Variants in PNLDC1 observed in about 807,000 individuals in gnomAD.
PNLDC1 encodes the protein PARN like ribonuclease domain containing exonuclease 1, also known as poly(A)-specific ribonuclease PNLDC1.
A neutral mutation model predicts 82.0 loss-of-function variants in PNLDC1; 70 were observed. The ratio of observed to expected loss-of-function variants is 0.85; its 90% CI spans 0.70 to 1.04. The LOEUF (loss-of-function observed/expected upper bound fraction) is 1.04. PNLDC1 is among the 50% of genes least tolerant of loss of function. PNLDC1 has a pLI of 0.00. For missense variants in PNLDC1, 631 were observed against 661.1 expected, an observed-to-expected ratio of 0.95 and a Z score of 0.50; for synonymous variants, 280 against 249.3, an observed-to-expected ratio of 1.12 and a Z score of -1.16.
rs1781653439 is a variant in PNLDC1, at chr6:159,811,775, G to T, written c.928G>T (p.Asp310Tyr). The change falls in exon 11 of 19, where the codon GAT (aspartate) becomes TAT (tyrosine). Residue 310 changes from aspartate (D) to tyrosine (Y), a missense_variant. By Grantham distance (160) the Asp-to-Tyr change is radical. Coordinates refer to ENST00000392167, the MANE Select transcript of PNLDC1 (RefSeq NM_001271862.2). ...CATTGATACCAAGAGTGTAACAAAG[G>T]ATATCTGGAAGGTAATGAATAGAAC... The part of the protein sequence containing the change: ...VLIDTKSVTK[D>Y]IWKEMNFPRV... 9 of 1,609,584 alleles carry T rather than the reference G, an allele frequency of 5.6e-6. No homozygotes were observed. In the Middle Eastern group the frequency reaches 5.0e-4, roughly 89 times the overall value.
chr6:159,820,377 G>A (rs1583188293), intron 18 of PNLDC1, 77 bp from the exon 19 acceptor site: 2 of 1,391,166 alleles, frequency 1.4e-6, no homozygotes, highest in East Asian at 4.6e-5. Flanking sequence ...GGCTGGGAAG[G>A]AGGAGGGGCA....
intron 3 of PNLDC1, among the ~76,000 whole-genome samples, chr6:159,802,088 A>T (rs1781280041): frequency 6.6e-6 from 1 of 152,178 alleles, no homozygotes; most frequent in Non-Finnish European, 1.5e-5. Flanking sequence ...GGGTTTCACC[A>T]TGTTGGCCAG....
Position 159,808,756 on chromosome 6 carries a change from G to A in PNLDC1, c.579G>A (p.Glu193=), listed in dbSNP as rs1781541429. Residue 193 remains glutamate, a synonymous_variant, in exon 8 of 19, where the codon GAG becomes GAA. Transcript: ENST00000392167. Reference sequence around the variant, plus strand: ...CTGCTGCAGGCTTCCAGGCCTTTGAGGTCCAACTGGTGCTGAGGCAGGCCC... The same window carrying A: ...CTGCTGCAGGCTTCCAGGCCTTTGAAGTCCAACTGGTGCTGAGGCAGGCCC... ...LPGITGFQAF[E]VQLVLRQALP... 1 of 1,613,862 alleles carries A rather than the reference G, an allele frequency of 6.2e-7. No homozygotes were observed. Among genetic ancestry groups the A allele is most frequent in the Non-Finnish European group, 8.5e-7 (1 of 1,179,920 alleles).
chr6:159,809,118 G>GT lies in PNLDC1; in HGVS notation c.748dup (p.Ser250PhefsTer18). Reference sequence around the variant, plus strand: ...GAAAATATTCTTCTCTCAGCAAGGGGTTTTTCTGTCTTTTTCCAAATGCTG... The same window carrying GT: ...GAAAATATTCTTCTCTCAGCAAGGGGTTTTTTCTGTCTTTTTCCAAATGCTG... On this transcript the variant is annotated frameshift_variant, in exon 9 of 19. Coordinates refer to ENST00000392167, the MANE Select transcript of PNLDC1 (RefSeq NM_001271862.2). LOFTEE classifies it high-confidence loss of function. The GT allele has an allele frequency of 1.2e-6, 2 of 1,614,128 alleles. No individual in the cohort carries two copies. The highest frequency in any genetic ancestry group is 1.7e-6 in the Non-Finnish European group (2 of 1,180,022).
chr6:159,819,421 C>A lies in PNLDC1; in HGVS notation c.1532+69C>A, dbSNP rs1702038209. On this transcript the variant is annotated intron_variant, in intron 18 of 18. Coordinates refer to ENST00000392167, the MANE Select transcript of PNLDC1 (RefSeq NM_001271862.2). The surrounding 1 kb of genome is among the most constrained non-coding windows in gnomAD (Gnocchi z 4.6). ...AGTGCCCGGGGTCCCAGCATCCCAGCATGGTCTGACTCGAGCACAGCTCAC... is the reference window on the plus strand; with the variant it reads ...AGTGCCCGGGGTCCCAGCATCCCAGAATGGTCTGACTCGAGCACAGCTCAC... 7.3e-7 allele frequency: 1 copy of A among 1,365,346 alleles called. No individual in the cohort carries two copies. Among genetic ancestry groups the A allele is most frequent in the Non-Finnish European group, 1.0e-6 (1 of 979,650 alleles). The allele number at this position is 1,365,346 out of a possible 1,614,324, so 84.6% of individuals were successfully genotyped here. A position where few individuals can be genotyped will look rare whatever the true frequency, so the allele number is the denominator to read the frequency against.
chr6:159,818,358 T>C (rs1240030227), intron 15 of PNLDC1, among the ~76,000 whole-genome samples, 197 bp from the exon 16 acceptor site: 1 of 152,204 alleles, frequency 6.6e-6, no homozygotes, highest in African/African-American at 2.4e-5. Context: ...TCTTCTTCTA[T>C]GTGGCCACGG....
intron 4 of PNLDC1, 21 bp downstream of exon 4, chr6:159,803,331 C>A: frequency 6.2e-7 from 1 of 1,608,944 alleles, no homozygotes; most frequent in Non-Finnish European, 8.5e-7. Flanking sequence ...AGAGCTTCTG[C>A]AAACATAGGT....
At chr6:159,808,906 G>C in intron 8 of PNLDC1, 90 bp downstream of exon 8, 1 of 1,588,124 alleles carries the variant, frequency 6.3e-7, no homozygotes, top group East Asian at 2.2e-5. Flanking sequence ...CTTTTATCTT[G>C]CACGCTGCTA....
rs540105471 is a variant in PNLDC1 at position 159,806,189 on chromosome 6, G to A, written c.562+106G>A. 4.8e-6 allele frequency: 4 copies of A among 841,932 alleles called. No homozygotes were observed. The African/African-American group carries it at 6.6e-5, about 14-fold the overall frequency. 52.2% of individuals were successfully genotyped at this position (841,932 alleles called of 1,614,324 possible). ...CTTTCTTGGGATCCTGGTCCCAAGTGCCTCATGACTGAGTCTGATGCAAGC... is the reference window on the plus strand; with the variant it reads ...CTTTCTTGGGATCCTGGTCCCAAGTACCTCATGACTGAGTCTGATGCAAGC... On this transcript the variant is annotated intron_variant, in intron 7 of 18. Coordinates refer to ENST00000392167, the MANE Select transcript of PNLDC1 (RefSeq NM_001271862.2).
intron 7 of PNLDC1, among the ~76,000 whole-genome samples, chr6:159,807,964 A>C (rs1781508821): frequency 6.7e-6 from 1 of 149,600 alleles, no homozygotes; most frequent in Non-Finnish European, 1.5e-5. Context: ...CCCAAGCTGG[A>C]GTGCAGTGGC....
At chr6:159,810,537 C>T (rs907641044) in intron 10 of PNLDC1, among the ~76,000 whole-genome samples, 1 of 152,150 alleles carries the variant, frequency 6.6e-6, no homozygotes, top group African/African-American at 2.4e-5. Flanking sequence ...GCTTCAGTGT[C>T]ATGTGACACT....
In PNLDC1 at chr6:159,803,313, A is replaced by G. The variant is rs1247071255; in HGVS notation, c.248+3A>G. The stretch of plus-strand genomic sequence containing the variant: ...GCTATTGAAGGAGAGGCAAACAAGT[A>G]TGTATCAAGAGCTTCTGCAAACATA... On this transcript the variant is annotated splice_donor_region_variant and intron_variant, in intron 4 of 18. Coordinates refer to ENST00000392167, the MANE Select transcript of PNLDC1 (RefSeq NM_001271862.2). 1.9e-6 allele frequency: 3 copies of G among 1,613,188 alleles called. No homozygotes were observed. The East Asian group carries it at 6.7e-5, about 36-fold the overall frequency.
chr6:159,800,638 T>G, intron 1 of PNLDC1, 134 bp from the exon 2 acceptor site: 1 of 1,598,460 alleles, frequency 6.3e-7, no homozygotes, highest in Non-Finnish European at 8.5e-7. Flanking sequence ...TCCTCCATTT[T>G]CCCTTCCTGA....
intron 12 of PNLDC1, 62 bp downstream of exon 12, chr6:159,813,718 C>T (rs1403178365): frequency 1.3e-6 from 2 of 1,484,326 alleles, no homozygotes; most frequent in South Asian, 1.1e-5. Flanking sequence ...CTGTGCTCCG[C>T]AGGCCTTTGG....
rs1178868199 is a variant in PNLDC1, at chr6:159,819,331, C to T, written c.1511C>T (p.Pro504Leu). The change falls in exon 18 of 19, where the codon CCA becomes CTA. Residue 504 changes from proline to leucine, a missense_variant. Transcript: ENST00000392167. This position sits in a 1 kb window ranked among gnomAD's most constrained non-coding sequence, Gnocchi z 4.6. ...CTGTACCGCTACTGGAGGCACTCCC[C>T]AAACGTCAACTGCCTGCTCCAGTAA... ...ISLYRYWRHSPNVNCLLQVCG... is the reference protein window; with the variant it reads ...ISLYRYWRHSLNVNCLLQVCG... 5 of 1,613,702 alleles carry T rather than the reference C, an allele frequency of 3.1e-6. No homozygotes were observed. The highest frequency in any genetic ancestry group is 1.3e-5 in the African/African-American group (1 of 74,928).
At chr6:159,809,310 C>A in intron 9 of PNLDC1, 152 bp downstream of exon 9, 1 of 1,027,570 alleles carries the variant, frequency 9.7e-7, no homozygotes, top group Non-Finnish European at 1.4e-6. Flanking sequence ...CAGATAGGGT[C>A]TCACCTGTCA....
intron 10 of PNLDC1, among the ~76,000 whole-genome samples, chr6:159,810,784 A>T (rs986408033): frequency 2.6e-5 from 4 of 152,236 alleles, no homozygotes; most frequent in African/African-American, 9.6e-5. Context: ...ACTAGTCTAG[A>T]TTACGAGGGG....
Position 159,820,557 on chromosome 6 carries a change from GCT to G in PNLDC1, c.*45_*46del. ...CCTGCGGCCACCCTCGGGTCCCCAT[GCT>G]CTCTGGGAGGTGTGCTGGGTGTGTT... On this transcript the variant is annotated 3_prime_UTR_variant, in exon 19 of 19. Coordinates refer to ENST00000392167, the MANE Select transcript of PNLDC1 (RefSeq NM_001271862.2). 6 of 1,588,072 alleles carry G rather than the reference GCT, an allele frequency of 3.8e-6. No individual in the cohort carries two copies. The highest frequency in any genetic ancestry group is 5.2e-6 in the Non-Finnish European group (6 of 1,156,926).
intron 15 of PNLDC1, among the ~76,000 whole-genome samples, chr6:159,818,081 TC>T (rs1415368931): frequency 6.6e-6 from 1 of 152,194 alleles, no homozygotes; most frequent in African/African-American, 2.4e-5. Flanking sequence ...CTAAAAGCCC[TC>T]CCTGCCTGTC....
Sources: allele counts gnomAD v4.1 joint callset (sites outside exome capture counted in the v4.1 genomes callset), GRCh38; gene constraint gnomAD v4.1.1; non-coding constraint Gnocchi (gnomAD v3.1); transcripts MANE v1.5; gene names NCBI Gene and HGNC (gene_info 2026-07-23, HGNC 2026-07-21).